AGBL4: variants seen among roughly 807,000 people sequenced by gnomAD.
AGBL4 encodes the protein AGBL carboxypeptidase 4.
In AGBL4, 58 loss-of-function variants were observed where a neutral mutation model predicts 66.4. The ratio of observed to expected loss-of-function variants is 0.87; its 90% CI spans 0.71 to 1.09. The LOEUF (loss-of-function observed/expected upper bound fraction) is 1.09, where lower values mean the gene tolerates loss of function less well. Ranked by LOEUF, AGBL4 falls within the 50% of genes least tolerant of loss-of-function variation. AGBL4 has a pLI of 0.00. For missense variants in AGBL4, 579 were observed against 631.0 expected (o/e 0.92, Z 0.88); for synonymous variants, 234 against 222.9 (o/e 1.05, Z -0.44).
At chr1:49,058,491 A>G (rs1644345531) in intron 4 of AGBL4, among the ~76,000 whole-genome samples, 1 of 152,192 alleles carries the variant, frequency 6.6e-6, no homozygotes, top group Non-Finnish European at 1.5e-5. Context: ...CTTCCCAGTC[A>G]TGTGGAACTG....
At chr1:49,365,957 C>A (rs543725811) in intron 3 of AGBL4, among the ~76,000 whole-genome samples, 1 of 151,866 alleles carries the variant, frequency 6.6e-6, no homozygotes, top group Non-Finnish European at 1.5e-5. Flanking sequence ...AATGAGATAA[C>A]AAAAAAAGTA....
intron 4 of AGBL4, among the ~76,000 whole-genome samples, chr1:49,169,377 T>C (rs1646691700): frequency 6.6e-6 from 1 of 152,180 alleles, no homozygotes; most frequent in Non-Finnish European, 1.5e-5. Context: ...ATTACATCGG[T>C]CTATTTCTAC....
At chr1:49,786,493 G>GT (rs1232794329) in intron 2 of AGBL4, among the ~76,000 whole-genome samples, 2 of 152,016 alleles carry the variant, frequency 1.3e-5, no homozygotes, top group Admixed American at 1.3e-4. Context: ...TAAAGGTTAA[G>GT]TATACCTTTA....
At chr1:49,964,235 A>C (rs1035095002) in intron 1 of AGBL4, among the ~76,000 whole-genome samples, 2 of 152,114 alleles carry the variant, frequency 1.3e-5, no homozygotes, top group Non-Finnish European at 2.9e-5. Context: ...ATAAGCTTTG[A>C]ATTAAGACAG....
intron 3 of AGBL4, among the ~76,000 whole-genome samples, chr1:49,423,552 G>T (rs1318462048): frequency 6.6e-6 from 1 of 152,142 alleles, no homozygotes; most frequent in East Asian, 1.9e-4. Flanking sequence ...GCTCACACCT[G>T]TAATCCCAGC....
intron 2 of AGBL4, among the ~76,000 whole-genome samples, chr1:49,762,648 G>A (rs1311193776): frequency 2.0e-5 from 3 of 152,110 alleles, no homozygotes; most frequent in South Asian, 2.1e-4. Context: ...TCCTGACCTC[G>A]TGCTCTGCCC....
chr1:49,479,703 CT>C lies in AGBL4; in HGVS notation c.282+217609del, dbSNP rs1351125149. On this transcript the variant is annotated intron_variant, in intron 3 of 13. Transcript: ENST00000371839. Reference sequence around the variant, plus strand: ...GTACCACATTTTCTTTTCTTTTTTTCTTTTTTTTTTTTTTTTGAGGCAGAGT... The same window carrying C: ...GTACCACATTTTCTTTTCTTTTTTTCTTTTTTTTTTTTTTTGAGGCAGAGT... Among the ~76,000 whole-genome samples, 793 of 136,842 alleles carry C rather than the reference CT, an allele frequency of 5.8e-3. 3 individuals carry two copies. Among genetic ancestry groups the C allele is most frequent in the African/African-American group, 0.015 (559 of 37,710 alleles). 89.8% of individuals were successfully genotyped at this position (136,842 alleles called of 152,430 possible). A position where few individuals can be genotyped will look rare whatever the true frequency, so the allele number is the denominator to read the frequency against.
chr1:49,856,322 A>C (rs1646432343), intron 1 of AGBL4, among the ~76,000 whole-genome samples: 1 of 152,102 alleles, frequency 6.6e-6, no homozygotes, highest in South Asian at 2.1e-4. Context: ...TTTAAAAAGA[A>C]CCAATATCAA....
intron 3 of AGBL4, among the ~76,000 whole-genome samples, chr1:49,548,338 T>C (rs1049767733): frequency 2.0e-5 from 3 of 152,320 alleles, no homozygotes; most frequent in Admixed American, 1.3e-4. Flanking sequence ...TCCAGTGCTA[T>C]GTTGAAGAGG....
At chr1:49,923,194 C>A (rs1042646459) in intron 1 of AGBL4, among the ~76,000 whole-genome samples, 8 of 152,044 alleles carry the variant, frequency 5.3e-5, no homozygotes, top group African/African-American at 1.9e-4. Context: ...TTTGACAAAC[C>A]TGACAAAAAC....
rs1020701343 is a variant in AGBL4, at chr1:49,408,347, G to A, written c.283-162483C>T. Among the ~76,000 whole-genome samples the A allele has an allele frequency of 5.3e-5, 8 of 152,072 alleles. No homozygotes were observed. The South Asian group carries it at 8.3e-4, about 16-fold the overall frequency. ...AGTACAATCTATTGTAAAGCACTTC[G>A]CAATCTATAAAATAAATTTATATCC... On this transcript the variant is annotated intron_variant, in intron 3 of 13. Transcript: ENST00000371839.
chr1:49,164,590 C>A (rs908146754), intron 4 of AGBL4, among the ~76,000 whole-genome samples: 3 of 152,228 alleles, frequency 2.0e-5, no homozygotes, highest in Non-Finnish European at 4.4e-5. Flanking sequence ...TGCAATCTTA[C>A]CTTCTTAAGA....
chr1:49,302,298 G>A (rs1156334120), intron 3 of AGBL4, among the ~76,000 whole-genome samples: 1 of 150,852 alleles, frequency 6.6e-6, no homozygotes, highest in African/African-American at 2.4e-5. Context: ...TGTAGTGCAA[G>A]CTAGAGTGCA....
chr1:48,838,897 G>C (rs1443573690), intron 6 of AGBL4, among the ~76,000 whole-genome samples: 2 of 152,046 alleles, frequency 1.3e-5, no homozygotes, highest in African/African-American at 4.8e-5. Context: ...CTGAAAAGAA[G>C]ACATACAAAT....
At chr1:48,964,931 A>G (rs1445783753) in intron 5 of AGBL4, among the ~76,000 whole-genome samples, 1 of 152,184 alleles carries the variant, frequency 6.6e-6, no homozygotes, top group African/African-American at 2.4e-5. Flanking sequence ...CAGTTTGTTG[A>G]TGGTAAAGCC....
intron 4 of AGBL4, among the ~76,000 whole-genome samples, chr1:49,200,986 C>T (rs114339797): frequency 0.011 from 1,657 of 152,212 alleles, 26 homozygotes; most frequent in African/African-American, 0.038. Flanking sequence ...TGTCAGCCAC[C>T]TCATTAACAT....
At chr1:49,571,539 T>A (rs1644330981) in intron 3 of AGBL4, among the ~76,000 whole-genome samples, 2 of 152,116 alleles carry the variant, frequency 1.3e-5, no homozygotes, top group South Asian at 4.1e-4. Context: ...TTTGACTTCC[T>A]CTATACTGAT....
chr1:49,195,730 T>G (rs538534362), intron 4 of AGBL4, among the ~76,000 whole-genome samples: 1 of 152,292 alleles, frequency 6.6e-6, no homozygotes, highest in African/African-American at 2.4e-5. Flanking sequence ...TTGTCAATTC[T>G]TTTCCTAAAT....
chr1:49,028,533 A>T (rs911558909), intron 5 of AGBL4, among the ~76,000 whole-genome samples: 1 of 152,210 alleles, frequency 6.6e-6, no homozygotes, highest in African/African-American at 2.4e-5. Context: ...AGTCAAAATG[A>T]TGAAAGCTTA....
Sources: allele counts gnomAD v4.1 joint callset (sites outside exome capture counted in the v4.1 genomes callset), GRCh38; gene constraint gnomAD v4.1.1; transcripts MANE v1.5; gene names NCBI Gene and HGNC (gene_info 2026-07-23, HGNC 2026-07-21).